Variants in GLIS3 observed in about 807,000 individuals in gnomAD.
GLIS3 encodes the protein zinc finger protein GLIS3.
In GLIS3, 53 loss-of-function variants were observed where a neutral mutation model predicts 78.6. That is an observed-to-expected ratio of 0.67 (90% confidence interval 0.54 to 0.85). The LOEUF (loss-of-function observed/expected upper bound fraction) is 0.85. GLIS3 is among the 40% of genes least tolerant of loss of function. GLIS3 has a pLI of 0.00. For synonymous variants in GLIS3, 684 were observed against 509.9 expected, an observed-to-expected ratio of 1.34 and a Z score of -4.60; for missense variants, 1,703 against 1,231.1, an observed-to-expected ratio of 1.38 and a Z score of -5.74.
At chr9:4,259,629 G>C (rs1341658516) in intron 2 of GLIS3, among the ~76,000 whole-genome samples, 1 of 152,158 alleles carries the variant, frequency 6.6e-6, no homozygotes, top group Non-Finnish European at 1.5e-5. Context: ...TTCAGTTTTT[G>C]CTTGCAATGG....
the GLIS3 span, among the ~76,000 whole-genome samples, chr9:4,360,240 C>T: frequency 1.1e-4 from 17 of 152,252 alleles, no homozygotes; most frequent in South Asian, 1.5e-3. Context: ...AACATCAACG[C>T]GCTCTGTGTC....
chr9:3,847,390 C>T (rs1362978992), intron 9 of GLIS3, among the ~76,000 whole-genome samples: 3 of 152,164 alleles, frequency 2.0e-5, no homozygotes, highest in Admixed American at 6.6e-5. Flanking sequence ...TCTGTTCATT[C>T]GTATTTATTT....
At chr9:4,365,764 T>A in the GLIS3 span, among the ~76,000 whole-genome samples, 1 of 152,178 alleles carries the variant, frequency 6.6e-6, no homozygotes, top group Non-Finnish European at 1.5e-5. Context: ...AAAGTATTTC[T>A]TTTACATAAT....
At chr9:4,404,452 T>G in the GLIS3 span, among the ~76,000 whole-genome samples, 8 of 152,324 alleles carry the variant, frequency 5.3e-5, no homozygotes, top group South Asian at 1.0e-3. Context: ...TTCTCAAGAA[T>G]AGACCATATG....
chr9:4,329,846 T>G (rs1448941117), intron 2 of GLIS3, among the ~76,000 whole-genome samples: 1 of 152,170 alleles, frequency 6.6e-6, no homozygotes. Context: ...GGTAATGCAA[T>G]GATGAATTCG....
chr9:4,300,470 C>T (rs1817022142), upstream of GLIS3, among the ~76,000 whole-genome samples: 1 of 152,028 alleles, frequency 6.6e-6, no homozygotes, highest in Non-Finnish European at 1.5e-5. Flanking sequence ...AAAAGGGTTG[C>T]TTTGAAATAT....
chr9:4,313,241 A>G (rs13284585), intron 2 of GLIS3, among the ~76,000 whole-genome samples: 8,344 of 152,204 alleles, frequency 0.055, 322 homozygotes, highest in Admixed American at 0.11. Context: ...CTTCCTCCGC[A>G]CAGCTCCATT....
the GLIS3 span, among the ~76,000 whole-genome samples, chr9:4,481,152 A>G: frequency 6.6e-6 from 1 of 150,400 alleles, no homozygotes; most frequent in Non-Finnish European, 1.5e-5. Context: ...CACCTCACCC[A>G]GCCCTATCTA....
intron 2 of GLIS3, among the ~76,000 whole-genome samples, chr9:4,251,129 G>A (rs1427363754): frequency 6.6e-6 from 1 of 152,152 alleles, no homozygotes; most frequent in African/African-American, 2.4e-5. Context: ...GGTCCACTTG[G>A]TCCAGAGCTG....
At chr9:4,319,221 T>G (rs536353988) in intron 2 of GLIS3, among the ~76,000 whole-genome samples, 1 of 152,248 alleles carries the variant, frequency 6.6e-6, no homozygotes, top group African/African-American at 2.4e-5. Flanking sequence ...GCATTAATCC[T>G]GAATTTGATC....
At chr9:4,148,977 C>T (rs1267714397) in intron 2 of GLIS3, among the ~76,000 whole-genome samples, 3 of 152,040 alleles carry the variant, frequency 2.0e-5, no homozygotes, top group Non-Finnish European at 4.4e-5. Flanking sequence ...TCTCACCTTT[C>T]CCATGAAGCC....
chr9:4,187,922 T>A (rs1024286963), intron 2 of GLIS3, among the ~76,000 whole-genome samples: 1 of 152,044 alleles, frequency 6.6e-6, no homozygotes. Flanking sequence ...TTTCTAGATA[T>A]ACAATCATGT....
intron 8 of GLIS3, among the ~76,000 whole-genome samples, chr9:3,873,655 AAAAT>A (rs1488857062): frequency 6.6e-6 from 1 of 151,704 alleles, no homozygotes; most frequent in Non-Finnish European, 1.5e-5. Flanking sequence ...GCACAAAAAT[AAAAT>A]AAAGATAAAA....
In GLIS3 at chr9:4,266,535, C is replaced by A. The variant is rs561917929; in HGVS notation, c.388+19503G>T. On this transcript the variant is annotated intron_variant, in intron 2 of 10. Transcript: ENST00000381971. The stretch of plus-strand genomic sequence containing the variant: ...CCTATTAAGGTACCACTGGTTCTTA[C>A]TGCCCACCCTCTTCAGCATACACAA... 3.9e-5 allele frequency among the ~76,000 whole-genome samples: 6 copies of A among 152,134 alleles called. No individual in the cohort carries two copies. The South Asian group carries it at 1.2e-3, about 32-fold the overall frequency.
chr9:3,856,185 C>A lies in GLIS3; in HGVS notation c.2298-1G>T, dbSNP rs1268246358. On this transcript the variant is annotated splice_acceptor_variant, in intron 8 of 10. Transcript: ENST00000381971. LOFTEE classifies it high-confidence loss of function. ...AGGAGATGGAGCAGAAGGTGCAAAC[C>A]TGAGAAAACAATTATAAAAGGAAAC... is the stretch of plus-strand genomic sequence containing the variant. 6.2e-7 allele frequency: 1 copy of A among 1,613,122 alleles called. No homozygotes were observed. Among genetic ancestry groups the A allele is most frequent in the Admixed American group, 1.7e-5 (1 of 59,856 alleles).
At chr9:4,460,481 C>T in the GLIS3 span, among the ~76,000 whole-genome samples, 5 of 152,122 alleles carry the variant, frequency 3.3e-5, no homozygotes, top group South Asian at 2.1e-4. Flanking sequence ...CATTCCTGTG[C>T]GCCATGAAGA....
intron 4 of GLIS3, among the ~76,000 whole-genome samples, chr9:3,980,512 T>C (rs995426519): frequency 1.3e-5 from 2 of 152,330 alleles, no homozygotes; most frequent in African/African-American, 4.8e-5. Context: ...TATTGCTTTG[T>C]TCGAGTTTGC....
At chr9:4,428,250 G>T in the GLIS3 span, among the ~76,000 whole-genome samples, 3 of 151,794 alleles carry the variant, frequency 2.0e-5, no homozygotes, top group East Asian at 5.8e-4. Flanking sequence ...AGGTTGAGGC[G>T]GGCGGATCAC....
chr9:4,276,255 AAC>A (rs1023181847), intron 2 of GLIS3, among the ~76,000 whole-genome samples: 3 of 148,576 alleles, frequency 2.0e-5, no homozygotes, highest in African/African-American at 7.5e-5. Context: ...TGCACTGGGC[AAC>A]AGAGTAAGAC....
Sources: allele counts gnomAD v4.1 joint callset (sites outside exome capture counted in the v4.1 genomes callset), GRCh38; gene constraint gnomAD v4.1.1; transcripts MANE v1.5; gene names NCBI Gene and HGNC (gene_info 2026-07-23, HGNC 2026-07-21).